The following ZNF536 variants were observed in gnomAD, a reference collection of about 807,000 sequenced individuals.
ZNF536 encodes zinc finger protein 536.
A neutral mutation model predicts 84.5 loss-of-function variants in ZNF536; 13 were observed. The observed-to-expected ratio is 0.15, with a 90% CI of 0.10 to 0.24. ZNF536 has a LOEUF of 0.24. Among genes scored for constraint, ZNF536 ranks in the 10% least tolerant of loss-of-function variants. The pLI is 1.00. For missense variants in ZNF536, 1,536 were observed against 1,747.5 expected (o/e 0.88, Z 2.16); for synonymous variants, 811 against 742.5 (o/e 1.09, Z -1.50).
At chr19:30,341,652 C>G (rs969935855) in intron 2 of ZNF536, among the ~76,000 whole-genome samples, 16 of 152,016 alleles carry the variant, frequency 1.1e-4, no homozygotes, top group African/African-American at 1.9e-4. Context: ...GTAGAACTTG[C>G]AGAGATTTTT....
chr19:30,509,747 C>G (rs2055333828), intron 2 of ZNF536, among the ~76,000 whole-genome samples: 1 of 152,224 alleles, frequency 6.6e-6, no homozygotes, highest in South Asian at 2.1e-4. Flanking sequence ...TTCTTACCTA[C>G]AGTTCTCATG....
intron 1 of ZNF536, among the ~76,000 whole-genome samples, chr19:30,390,679 G>T (rs2049548754): frequency 6.6e-6 from 1 of 152,194 alleles, no homozygotes; most frequent in Non-Finnish European, 1.5e-5. Context: ...GTAGCCCTTA[G>T]AAACAGTCCA....
At chr19:30,527,693 T>C (rs748570089) in intron 2 of ZNF536, among the ~76,000 whole-genome samples, 8 of 152,058 alleles carry the variant, frequency 5.3e-5, no homozygotes, top group Non-Finnish European at 1.0e-4. Context: ...TTTTCATGCA[T>C]ACCATTAATT....
intron 1 of ZNF536, among the ~76,000 whole-genome samples, chr19:30,694,935 T>C (rs1294269827): frequency 6.6e-6 from 1 of 152,074 alleles, no homozygotes; most frequent in Non-Finnish European, 1.5e-5. Flanking sequence ...GTGATTGGGA[T>C]TCTGAGCTTC....
rs920162972 is a variant in ZNF536, at chr19:30,464,343, C to G, written c.2170+18611C>G. Among the ~76,000 whole-genome samples the G allele has an allele frequency of 6.6e-5, 10 of 152,186 alleles. 1 individual carries two copies. The highest frequency in any genetic ancestry group is 8.8e-5 in the Non-Finnish European group (6 of 68,034). ...GCCAGCTGGGGGTGTCGACCAGAGCCTGGGGACCAGACGGCGCTGGGCCCT... is the reference window on the plus strand; with the variant it reads ...GCCAGCTGGGGGTGTCGACCAGAGCGTGGGGACCAGACGGCGCTGGGCCCT... On this transcript the variant is annotated intron_variant, in intron 2 of 4. Transcript: ENST00000355537.
intron 1 of ZNF536, among the ~76,000 whole-genome samples, chr19:30,643,397 G>A (rs1054286776): frequency 6.6e-6 from 1 of 152,102 alleles, no homozygotes; most frequent in African/African-American, 2.4e-5. Context: ...TCCCTGCTGG[G>A]GCTTGGTGGA....
In ZNF536 at chr19:30,569,405, A is replaced by C. The variant is rs182806291; in HGVS notation, c.169+19891A>C. On this transcript the variant is annotated intron_variant, in intron 1 of 1. Transcript: ENST00000592773. ...CTCTCTTCCTCCATTCTCCTTTGCCACACCTTCTTGATGGTACAAGAGGTC... is the reference window on the plus strand; with the variant it reads ...CTCTCTTCCTCCATTCTCCTTTGCCCCACCTTCTTGATGGTACAAGAGGTC... Among the ~76,000 whole-genome samples the C allele has an allele frequency of 3.7e-3, 554 of 151,626 alleles. 3 individuals carry two copies. Among genetic ancestry groups the C allele is most frequent in the Non-Finnish European group, 5.8e-3 (395 of 67,894 alleles).
intron 1 of ZNF536, among the ~76,000 whole-genome samples, chr19:30,249,789 G>A (rs958545891): frequency 6.6e-6 from 1 of 152,182 alleles, no homozygotes; most frequent in Non-Finnish European, 1.5e-5. Context: ...CCTTTTTGGG[G>A]AATGGAGGTG....
intron 1 of ZNF536, among the ~76,000 whole-genome samples, chr19:30,584,466 C>T (rs972589445): frequency 3.3e-5 from 5 of 152,204 alleles, no homozygotes; most frequent in Non-Finnish European, 5.9e-5. Context: ...CCCTGCGGTG[C>T]TACAGCACTC....
At chr19:30,710,048 T>C (rs1312722681) in intron 1 of ZNF536, among the ~76,000 whole-genome samples, 2 of 152,210 alleles carry the variant, frequency 1.3e-5, no homozygotes, top group East Asian at 3.8e-4. Context: ...AATTTCAGTG[T>C]CCATAAATAA....
At chr19:30,428,059 T>G (rs986576435) in intron 1 of ZNF536, among the ~76,000 whole-genome samples, 4 of 152,130 alleles carry the variant, frequency 2.6e-5, no homozygotes, top group African/African-American at 9.7e-5. Context: ...CTAATGGGGG[T>G]GTTTGACTTT....
intron 1 of ZNF536, among the ~76,000 whole-genome samples, chr19:30,249,863 T>C (rs1433715812): frequency 6.6e-6 from 1 of 152,182 alleles, no homozygotes; most frequent in Non-Finnish European, 1.5e-5. Flanking sequence ...AGCCAAGAGA[T>C]AGCTGCAAAC....
intron 2 of ZNF536, among the ~76,000 whole-genome samples, chr19:30,524,099 A>G (rs1200135438): frequency 6.6e-6 from 1 of 152,188 alleles, no homozygotes; most frequent in Non-Finnish European, 1.5e-5. Flanking sequence ...ATAATTATCC[A>G]TCACGAATGC....
At chr19:30,309,498 C>A (rs944151946) in intron 2 of ZNF536, among the ~76,000 whole-genome samples, 2 of 152,274 alleles carry the variant, frequency 1.3e-5, no homozygotes, top group East Asian at 3.9e-4. Context: ...CACAGTTGTG[C>A]GGCTGAAAAG....
At chr19:30,302,909 G>A (rs1432170936) in intron 2 of ZNF536, among the ~76,000 whole-genome samples, 2 of 152,124 alleles carry the variant, frequency 1.3e-5, no homozygotes, top group East Asian at 1.9e-4. Flanking sequence ...GTGGCCTTAC[G>A]TCCTTCATCC....
intron 2 of ZNF536, among the ~76,000 whole-genome samples, chr19:30,289,369 G>A (rs1177219407): frequency 2.0e-5 from 3 of 152,308 alleles, no homozygotes; most frequent in African/African-American, 4.8e-5. Flanking sequence ...GCTAGTCAGC[G>A]ACAACATATA....
chr19:30,242,024 A>G (rs1215936417), intron 1 of ZNF536, among the ~76,000 whole-genome samples: 1 of 152,002 alleles, frequency 6.6e-6, no homozygotes, highest in Non-Finnish European at 1.5e-5. Context: ...GGAAGGGGAC[A>G]TCTAGTTGGG....
rs60592659 is a variant in ZNF536, at chr19:30,600,042, GTTT to G, written c.169+50539_169+50541del. The stretch of plus-strand genomic sequence containing the variant: ...ATTCTACTCTCAAATGCTCCTAGCT[GTTT>G]TTTTTTTTTTGTTGTTGTTGTTGTT... On this transcript the variant is annotated intron_variant, in intron 1 of 1. Transcript: ENST00000592773. Among the ~76,000 whole-genome samples, 402 of 148,354 alleles carry G rather than the reference GTTT, an allele frequency of 2.7e-3. 2 individuals are homozygous for G. Among genetic ancestry groups the G allele is most frequent in the African/African-American group, 9.3e-3 (376 of 40,264 alleles).
intron 1 of ZNF536, among the ~76,000 whole-genome samples, chr19:30,242,283 A>C (rs1384589324): frequency 1.3e-5 from 2 of 152,160 alleles, no homozygotes; most frequent in African/African-American, 4.8e-5. Context: ...AAAAATGATC[A>C]AGCTGTCTCA....
Sources: gnomAD v4.1 joint callset for allele counts (sites outside exome capture counted in the v4.1 genomes callset) on GRCh38, gnomAD v4.1.1 for gene constraint, MANE v1.5 for transcripts, NCBI Gene and HGNC (gene_info 2026-07-23, HGNC 2026-07-21) for gene names.